The following ANXA3 variants were observed in gnomAD, a reference collection of about 807,000 sequenced individuals.
ANXA3 encodes 35-alpha calcimedin.
In ANXA3, 46 loss-of-function variants were observed where a neutral mutation model predicts 48.8. That is an observed-to-expected ratio of 0.94 (90% CI 0.74 to 1.21). The LOEUF (loss-of-function observed/expected upper bound fraction) is 1.21. Among genes scored for constraint, ANXA3 ranks in the 50% most tolerant of loss-of-function variants. ANXA3 has a pLI of 0.00. For missense variants in ANXA3, 383 were observed against 378.6 expected (o/e 1.01, Z -0.10); for synonymous variants, 128 against 134.7 (o/e 0.95, Z 0.35).
chr4:78,566,744 T>C (rs1368334255), intron 2 of ANXA3, among the ~76,000 whole-genome samples: 1 of 152,056 alleles, frequency 6.6e-6, no homozygotes, highest in Non-Finnish European at 1.5e-5. Context: ...GGTACACTAA[T>C]AAAAGCCAAG....
chr4:78,557,289 G>C (rs1228958107), intron 2 of ANXA3, among the ~76,000 whole-genome samples: 1 of 152,050 alleles, frequency 6.6e-6, no homozygotes. Flanking sequence ...CTTTCTGGGG[G>C]ATCTCTTTTC....
chr4:78,591,208 G>A (rs560898156), intron 6 of ANXA3, among the ~76,000 whole-genome samples: 3 of 152,292 alleles, frequency 2.0e-5, no homozygotes, highest in Admixed American at 1.3e-4. Context: ...ATGGAAGATG[G>A]CCAGAATGGA....
At chr4:78,561,671 A>G (rs1206510037) in intron 2 of ANXA3, among the ~76,000 whole-genome samples, 1 of 152,098 alleles carries the variant, frequency 6.6e-6, no homozygotes, top group Non-Finnish European at 1.5e-5. Context: ...ACATCCAGGA[A>G]TGGAAGATCA....
chr4:78,574,223 A>G lies in ANXA3; in HGVS notation c.103+956A>G, dbSNP rs892220090. Among the ~76,000 whole-genome samples the G allele has an allele frequency of 2.6e-5, 4 of 152,122 alleles. No individual in the cohort carries two copies. The South Asian group carries it at 6.2e-4, about 24-fold the overall frequency. ...CACTAGAGCCCAGGAGTTCAACACC[A>G]GCCTGGCAATATAAGGAGGGCCCTT... On this transcript the variant is annotated intron_variant, in intron 3 of 12. Coordinates refer to ENST00000264908, the MANE Select transcript of ANXA3 (RefSeq NM_005139.3).
intron 2 of ANXA3, among the ~76,000 whole-genome samples, chr4:78,555,069 A>G (rs1261572516): frequency 6.6e-6 from 1 of 152,112 alleles, no homozygotes; most frequent in Non-Finnish European, 1.5e-5. Flanking sequence ...GCCCGGTGCG[A>G]TGGCAGATGC....
intron 2 of ANXA3, among the ~76,000 whole-genome samples, chr4:78,560,018 C>G (rs911885168): frequency 6.6e-6 from 1 of 152,198 alleles, no homozygotes; most frequent in African/African-American, 2.4e-5. Context: ...TATTACACAT[C>G]AATAGCCCCC....
chr4:78,578,331 A>AGAAAGGG (rs1560444874), intron 3 of ANXA3, among the ~76,000 whole-genome samples: 1 of 41,380 alleles, frequency 2.4e-5, no homozygotes, highest in African/African-American at 1.1e-4. Context: ...GAGAGAGAGA[A>AGAAAGGG]AGGGAGGGAG....
chr4:78,599,383 A>G (rs531607743), intron 10 of ANXA3, among the ~76,000 whole-genome samples: 22 of 152,252 alleles, frequency 1.4e-4, no homozygotes, highest in Non-Finnish European at 2.2e-4. Context: ...AATCCAATAC[A>G]ATGGTCAACA....
intron 12 of ANXA3, among the ~76,000 whole-genome samples, chr4:78,609,273 ACT>A (rs779798490): frequency 6.6e-6 from 1 of 152,184 alleles, no homozygotes; most frequent in Non-Finnish European, 1.5e-5. Context: ...AGAAGAGCTC[ACT>A]GGTTGGGTTA....
At position 78,588,669 on chromosome 4, in the gene ANXA3, A is replaced by G. The variant is rs112357132; in HGVS notation, c.403+2319A>G. The stretch of plus-strand genomic sequence containing the variant: ...CAGTACCTACACGGGGGTCAAAGTG[A>G]CTTTTTCTAGGAAGCTGGAGCCAGT... On this transcript the variant is annotated intron_variant, in intron 6 of 12. Coordinates refer to ENST00000264908, the MANE Select transcript of ANXA3 (RefSeq NM_005139.3). Among the ~76,000 whole-genome samples, 1,178 of 152,118 alleles carry G rather than the reference A, an allele frequency of 7.7e-3. 7 individuals are homozygous for G. Among genetic ancestry groups the G allele is most frequent in the Middle Eastern group, 0.024 (7 of 294 alleles).
At chr4:78,581,572 A>C (rs1460964145) in intron 4 of ANXA3, among the ~76,000 whole-genome samples, 1 of 152,256 alleles carries the variant, frequency 6.6e-6, no homozygotes, top group Non-Finnish European at 1.5e-5. Context: ...CATACATTAT[A>C]TGTATTGAAA....
intron 12 of ANXA3, among the ~76,000 whole-genome samples, chr4:78,606,791 G>A (rs1723658240): frequency 1.1e-5 from 1 of 87,124 alleles, no homozygotes; most frequent in African/African-American, 2.9e-5. Context: ...TTTACAGAAA[G>A]AGATGCTGAG....
chr4:78,606,995 T>C (rs1301729694), intron 12 of ANXA3, among the ~76,000 whole-genome samples: 2 of 152,138 alleles, frequency 1.3e-5, no homozygotes, highest in African/African-American at 4.8e-5. Flanking sequence ...GGCAGAAAAA[T>C]AGACTCACAC....
chr4:78,599,349 A>G (rs1723491988), intron 10 of ANXA3, among the ~76,000 whole-genome samples: 1 of 152,128 alleles, frequency 6.6e-6, no homozygotes, highest in African/African-American at 2.4e-5. Context: ...AGATTTGCCT[A>G]CTCTGCATAT....
intron 12 of ANXA3, among the ~76,000 whole-genome samples, chr4:78,608,846 C>A (rs963576293): frequency 1.2e-4 from 19 of 152,084 alleles, no homozygotes; most frequent in African/African-American, 4.6e-4. Context: ...TCAAGTAAGT[C>A]ATTAGCGGTG....
At chr4:78,585,033 C>A (rs1723143967) in intron 5 of ANXA3, among the ~76,000 whole-genome samples, 1 of 152,224 alleles carries the variant, frequency 6.6e-6, no homozygotes. Context: ...TGTTTACAGT[C>A]ATTGACTGAC....
Position 78,610,375 on chromosome 4 carries a change from AAGTTAAGAATCTTTATAGTTCTAC to A in ANXA3, c.*261_*284del, listed in dbSNP as rs1723734576. On this transcript the variant is annotated 3_prime_UTR_variant, in exon 13 of 13. Transcript: ENST00000264908. ...TATCCAACTTATATTTCTGCTTTCAAAGTTAAGAATCTTTATAGTTCTACTCCATTAAATATAAAGCAAGATAAT... is the reference window on the plus strand; with the variant it reads ...TATCCAACTTATATTTCTGCTTTCAATCCATTAAATATAAAGCAAGATAAT... The A allele has an allele frequency of 4.2e-5, 12 of 282,962 alleles. No individual in the cohort carries two copies. The South Asian group carries it at 1.5e-3, about 36-fold the overall frequency. The allele number at this position is 282,962 out of a possible 1,614,324, so 17.5% of individuals were successfully genotyped here. A position where few individuals can be genotyped will look rare whatever the true frequency, so the allele number is the denominator to read the frequency against.
chr4:78,576,229 T>G (rs893889599), intron 3 of ANXA3, among the ~76,000 whole-genome samples: 5 of 152,192 alleles, frequency 3.3e-5, no homozygotes, highest in Non-Finnish European at 7.3e-5. Context: ...CAATATAATA[T>G]TATGTTTTTT....
intron 12 of ANXA3, among the ~76,000 whole-genome samples, chr4:78,608,156 C>T (rs1031678111): frequency 6.6e-6 from 1 of 152,050 alleles, no homozygotes; most frequent in East Asian, 1.9e-4. Flanking sequence ...ACATTTTCTG[C>T]CCTTATGGAA....
Sources: gnomAD v4.1 joint callset for allele counts (sites outside exome capture counted in the v4.1 genomes callset) on GRCh38, gnomAD v4.1.1 for gene constraint, MANE v1.5 for transcripts, NCBI Gene and HGNC (gene_info 2026-07-23, HGNC 2026-07-21) for gene names.